The following GRID2 variants were observed in gnomAD, a reference collection of about 807,000 sequenced individuals.
GRID2 encodes the protein glutamate ionotropic receptor delta type subunit 2, also known as glutamate receptor ionotropic, delta-2.
Under a neutral mutation model 114.8 loss-of-function variants are expected in GRID2, and 33 were observed. That is an observed-to-expected ratio of 0.29 (90% CI 0.22 to 0.38). The LOEUF is 0.38. Among genes scored for constraint, GRID2 ranks in the 10% least tolerant of loss-of-function variants. GRID2 has a pLI of 1.00. For synonymous variants in GRID2, 505 were observed against 449.9 expected, an observed-to-expected ratio of 1.12 and a Z score of -1.55; for missense variants, 1,184 against 1,257.7, an observed-to-expected ratio of 0.94 and a Z score of 0.89.
At chr4:93,777,417 G>A (rs1398343692), downstream of GRID2, among the ~76,000 whole-genome samples, 2 of 152,082 alleles carry the variant, frequency 1.3e-5, no homozygotes, top group African/African-American at 4.8e-5. Context: ...TACAATTTAG[G>A]ACTCAGTGAC....
chr4:93,177,928 T>A (rs1335501725), intron 4 of GRID2, among the ~76,000 whole-genome samples: 1 of 152,106 alleles, frequency 6.6e-6, no homozygotes, highest in African/African-American at 2.4e-5. Context: ...TACAAAAGAC[T>A]CAAAATTAAA....
intron 8 of GRID2, among the ~76,000 whole-genome samples, chr4:93,268,919 A>T (rs1228173004): frequency 6.6e-6 from 1 of 152,174 alleles, no homozygotes. Context: ...TGAGTGAACG[A>T]GTCTCCCTTT....
chr4:92,414,039 T>C (rs1157846987), intron 1 of GRID2, among the ~76,000 whole-genome samples: 1 of 152,120 alleles, frequency 6.6e-6, no homozygotes, highest in Non-Finnish European at 1.5e-5. Context: ...AATAATATAT[T>C]GTTTGGTAAG....
At chr4:92,632,249 C>A (rs780179275) in intron 2 of GRID2, among the ~76,000 whole-genome samples, 13 of 152,176 alleles carry the variant, frequency 8.5e-5, no homozygotes, top group South Asian at 2.1e-4. Flanking sequence ...TAAAATAATT[C>A]TTTAAAAGGG....
rs554280761 is a variant in GRID2, at chr4:92,682,168, C to A, written c.244+91882C>A. Among the ~76,000 whole-genome samples, 3 of 152,002 alleles carry A rather than the reference C, an allele frequency of 2.0e-5. No individual in the cohort carries two copies. In the South Asian group the frequency reaches 6.3e-4, roughly 32 times the overall value. ...GAATCATTTTAAGGGATCATCACTTCAACATGAATCTTGTTAAAAGATTGT... is the reference window on the plus strand; with the variant it reads ...GAATCATTTTAAGGGATCATCACTTAAACATGAATCTTGTTAAAAGATTGT... On this transcript the variant is annotated intron_variant, in intron 2 of 15. Transcript: ENST00000282020.
intron 2 of GRID2, among the ~76,000 whole-genome samples, chr4:92,656,278 G>C (rs769116555): frequency 7.3e-5 from 11 of 151,382 alleles, no homozygotes; most frequent in Non-Finnish European, 1.3e-4. Flanking sequence ...GCTTTAATTT[G>C]TAATTCTCTG....
intron 2 of GRID2, among the ~76,000 whole-genome samples, chr4:93,004,897 C>T (rs2149221486): frequency 6.6e-6 from 1 of 152,126 alleles, no homozygotes; most frequent in African/African-American, 2.4e-5. Context: ...TTTCACTTTG[C>T]TTCCCATTTT....
chr4:93,685,139 T>C (rs1394691079), intron 14 of GRID2, among the ~76,000 whole-genome samples: 1 of 152,026 alleles, frequency 6.6e-6, no homozygotes, highest in Non-Finnish European at 1.5e-5. Context: ...TCTGCCCAAA[T>C]AATCCAATCT....
intron 2 of GRID2, among the ~76,000 whole-genome samples, chr4:92,779,132 A>G (rs909018083): frequency 9.9e-5 from 15 of 151,956 alleles, no homozygotes; most frequent in Non-Finnish European, 2.1e-4. Context: ...CTATAGTAGC[A>G]TTTCTATTGA....
chr4:93,738,552 TGATA>T (rs1731115714), intron 14 of GRID2, among the ~76,000 whole-genome samples: 1 of 152,172 alleles, frequency 6.6e-6, no homozygotes, highest in South Asian at 2.1e-4. Flanking sequence ...ATAGACTTAA[TGATA>T]GATAGAATGT....
chr4:93,199,109 G>T (rs1229117348), intron 4 of GRID2, among the ~76,000 whole-genome samples: 1 of 152,064 alleles, frequency 6.6e-6, no homozygotes, highest in Non-Finnish European at 1.5e-5. Context: ...AATAGGCAAG[G>T]GATGAGGGGT....
At chr4:92,373,733 T>C (rs1729224884) in intron 1 of GRID2, among the ~76,000 whole-genome samples, 1 of 152,200 alleles carries the variant, frequency 6.6e-6, no homozygotes, top group African/African-American at 2.4e-5. Flanking sequence ...ATAACTAATA[T>C]TTATCAAACT....
intron 1 of GRID2, among the ~76,000 whole-genome samples, chr4:92,432,472 C>T (rs1187675713): frequency 6.6e-6 from 1 of 151,794 alleles, no homozygotes; most frequent in Non-Finnish European, 1.5e-5. Flanking sequence ...AATGGCTTTC[C>T]CACTCTTTCC....
At chr4:93,293,216 A>AC (rs1003158188) in intron 8 of GRID2, among the ~76,000 whole-genome samples, 1 of 152,174 alleles carries the variant, frequency 6.6e-6, no homozygotes, top group Non-Finnish European at 1.5e-5. Context: ...TTCAATTAAC[A>AC]CTGGAGTCAC....
At chr4:93,786,247 A>G (rs950472883) in intron 1 of GRID2, among the ~76,000 whole-genome samples, 3 of 152,184 alleles carry the variant, frequency 2.0e-5, no homozygotes, top group Admixed American at 6.5e-5. Flanking sequence ...GCCAGACTGC[A>G]GCTGTTGGAA....
chr4:92,397,432 A>C (rs1391399807), intron 1 of GRID2, among the ~76,000 whole-genome samples: 1 of 151,472 alleles, frequency 6.6e-6, no homozygotes, highest in East Asian at 1.9e-4. Flanking sequence ...GCTGTTAACC[A>C]AGCCTAGCAC....
At chr4:92,829,257 A>G (rs2149396599) in intron 2 of GRID2, among the ~76,000 whole-genome samples, 1 of 152,276 alleles carries the variant, frequency 6.6e-6, no homozygotes, top group Middle Eastern at 3.4e-3. Flanking sequence ...TCCCAGCACC[A>G]TTTATTAAAT....
intron 1 of GRID2, among the ~76,000 whole-genome samples, chr4:92,539,174 G>T (rs1439644239): frequency 6.6e-6 from 1 of 152,124 alleles, no homozygotes; most frequent in Non-Finnish European, 1.5e-5. Flanking sequence ...ATGAGAATGG[G>T]CTTATTTCTT....
chr4:92,634,208 G>C (rs1730953833), intron 2 of GRID2, among the ~76,000 whole-genome samples: 1 of 152,020 alleles, frequency 6.6e-6, no homozygotes, highest in Admixed American at 6.6e-5. Flanking sequence ...TGGGCCACAT[G>C]TGATTGGTGG....
Sources: allele counts gnomAD v4.1 joint callset (sites outside exome capture counted in the v4.1 genomes callset), GRCh38; gene constraint gnomAD v4.1.1; transcripts MANE v1.5; gene names NCBI Gene and HGNC (gene_info 2026-07-23, HGNC 2026-07-21).